CLSTN2: variants seen among roughly 807,000 people sequenced by gnomAD.
CLSTN2 encodes calsyntenin 2.
Under a neutral mutation model 101.2 loss-of-function variants are expected in CLSTN2, and 48 were observed. The observed-to-expected ratio is 0.47, with a 90% confidence interval of 0.38 to 0.60. The LOEUF is 0.60. Among genes scored for constraint, CLSTN2 ranks in the 20% least tolerant of loss-of-function variants. The probability of loss-of-function intolerance (pLI) is 0.00; values close to 1 mark genes in which losing one functional copy is unlikely to be tolerated. For missense variants in CLSTN2, 1,160 were observed against 1,238.2 expected (o/e 0.94, Z 0.95); for synonymous variants, 481 against 463.6 (o/e 1.04, Z -0.48).
At chr3:140,215,757 C>T (rs987693637) in intron 2 of CLSTN2, among the ~76,000 whole-genome samples, 1 of 152,172 alleles carries the variant, frequency 6.6e-6, no homozygotes, top group Non-Finnish European at 1.5e-5. Context: ...AGTAATAGTG[C>T]CACCTTTCAA....
In CLSTN2 at chr3:140,332,154, G is replaced by A. The variant is rs184160128; in HGVS notation, c.233-71475G>A. Among the ~76,000 whole-genome samples the A allele has an allele frequency of 2.6e-5, 4 of 152,308 alleles. No individual in the cohort carries two copies. The East Asian group carries it at 7.7e-4, about 29-fold the overall frequency. On this transcript the variant is annotated intron_variant, in intron 2 of 16. Transcript: ENST00000458420. ...CCAGTGTCAACCTTGTGGAGGCAGT[G>A]ACAGATGATTACCTGAGCTGTCTTA...
chr3:140,458,980 C>T (rs1014077685), intron 6 of CLSTN2, among the ~76,000 whole-genome samples: 6 of 152,232 alleles, frequency 3.9e-5, no homozygotes, highest in African/African-American at 7.2e-5. Context: ...ATGAGTGGCT[C>T]ATGCTCCTTC....
intron 2 of CLSTN2, among the ~76,000 whole-genome samples, chr3:140,365,642 T>C (rs1207595731): frequency 6.6e-6 from 1 of 151,942 alleles, no homozygotes; most frequent in Non-Finnish European, 1.5e-5. Context: ...AGATGGTAAA[T>C]GGTGGTGCCA....
At chr3:140,291,237 T>C (rs2107903468) in intron 2 of CLSTN2, among the ~76,000 whole-genome samples, 1 of 152,268 alleles carries the variant, frequency 6.6e-6, no homozygotes, top group South Asian at 2.1e-4. Context: ...TTAGTGCTTA[T>C]TACTCTCCAA....
At chr3:140,149,787 C>A (rs1331659914) in intron 1 of CLSTN2, among the ~76,000 whole-genome samples, 1 of 152,122 alleles carries the variant, frequency 6.6e-6, no homozygotes, top group Non-Finnish European at 1.5e-5. Context: ...AGAACCATGT[C>A]CAGACTATTG....
At chr3:139,983,609 G>A (rs1935969454) in intron 1 of CLSTN2, among the ~76,000 whole-genome samples, 1 of 152,014 alleles carries the variant, frequency 6.6e-6, no homozygotes, top group Non-Finnish European at 1.5e-5. Flanking sequence ...AAAATTGTAT[G>A]TAAAGTCCAT....
intron 8 of CLSTN2, among the ~76,000 whole-genome samples, chr3:140,478,071 A>G (rs1162404598): frequency 1.3e-5 from 2 of 152,178 alleles, no homozygotes; most frequent in Non-Finnish European, 2.9e-5. Flanking sequence ...GACTGTTACC[A>G]CAGCATTTTT....
At position 139,935,458 on chromosome 3, in the gene CLSTN2, G is replaced by A; in HGVS notation, c.84G>A (p.Arg28=). Residue 28 remains arginine (R), a synonymous_variant, in exon 1 of 17, where the codon CGG becomes CGA. Transcript: ENST00000458420. This position sits in a 1 kb window ranked among gnomAD's most constrained non-coding sequence, Gnocchi z 5.5. ...GSGSGGGGDS[R]QRRLLAAKVN... Reference sequence around the variant, plus strand: ...GCAGCGGCGGTGGCGGGGACAGCCGGCAGCGCCGCCTCCTCGCGGCTAAAG... The same window carrying A: ...GCAGCGGCGGTGGCGGGGACAGCCGACAGCGCCGCCTCCTCGCGGCTAAAG... 3 of 1,231,100 alleles carry A rather than the reference G, an allele frequency of 2.4e-6. No individual in the cohort carries two copies. Among genetic ancestry groups the A allele is most frequent in the Non-Finnish European group, 2.0e-6 (2 of 986,842 alleles). 76.3% of individuals were successfully genotyped at this position (1,231,100 alleles called of 1,614,324 possible). A position where few individuals can be genotyped will look rare whatever the true frequency, so the allele number is the denominator to read the frequency against.
In CLSTN2 at chr3:140,130,751, A is replaced by G. The variant is rs1576438354; in HGVS notation, c.110-45200A>G. ...GTCCTGGAGGCCTTCTCAGGGGAAG[A>G]AAGAGGTGGCTATGTTTTCCTGTGT... On this transcript the variant is annotated intron_variant, in intron 1 of 16. Transcript: ENST00000458420. Among the ~76,000 whole-genome samples the G allele has an allele frequency of 2.6e-5, 4 of 152,270 alleles. No homozygotes were observed. In the South Asian group the frequency reaches 8.3e-4, roughly 32 times the overall value.
intron 2 of CLSTN2, among the ~76,000 whole-genome samples, chr3:140,178,465 C>A (rs1035104335): frequency 6.6e-6 from 1 of 152,192 alleles, no homozygotes; most frequent in Non-Finnish European, 1.5e-5. Flanking sequence ...CCATAGTTTC[C>A]TTCTAAGCCA....
At chr3:140,003,480 GA>G (rs759139512) in intron 1 of CLSTN2, among the ~76,000 whole-genome samples, 2 of 152,148 alleles carry the variant, frequency 1.3e-5, no homozygotes, top group Admixed American at 6.5e-5. Context: ...AGCAAACAAA[GA>G]TAATTTCACT....
At chr3:140,464,015 C>A (rs1400976538) in intron 7 of CLSTN2, among the ~76,000 whole-genome samples, 1 of 152,170 alleles carries the variant, frequency 6.6e-6, no homozygotes, top group East Asian at 1.9e-4. Flanking sequence ...CTTACCATAT[C>A]AATTCCTATG....
chr3:140,528,068 A>G (rs1289961064), intron 8 of CLSTN2, among the ~76,000 whole-genome samples: 1 of 152,160 alleles, frequency 6.6e-6, no homozygotes, highest in Non-Finnish European at 1.5e-5. Context: ...CTAAAATAAA[A>G]GTTGAAATTA....
chr3:140,447,862 G>A (rs571271957), intron 5 of CLSTN2, among the ~76,000 whole-genome samples: 3 of 152,320 alleles, frequency 2.0e-5, no homozygotes, highest in African/African-American at 7.2e-5. Flanking sequence ...ACTACAATAA[G>A]TATGGCACCT....
chr3:140,216,732 G>A (rs999397131), intron 2 of CLSTN2, among the ~76,000 whole-genome samples: 9 of 152,162 alleles, frequency 5.9e-5, no homozygotes, highest in African/African-American at 2.2e-4. Context: ...GATGTAAAGT[G>A]CAAAAGCATT....
At chr3:140,176,961 C>G (rs2107829371) in intron 2 of CLSTN2, among the ~76,000 whole-genome samples, 1 of 152,304 alleles carries the variant, frequency 6.6e-6, no homozygotes, top group Middle Eastern at 3.4e-3. Flanking sequence ...ACATTATGAG[C>G]TGCTTGGGCA....
intron 5 of CLSTN2, among the ~76,000 whole-genome samples, chr3:140,439,388 C>T (rs1322426582): frequency 6.6e-6 from 1 of 152,188 alleles, no homozygotes; most frequent in East Asian, 1.9e-4. Context: ...AAGTCTCTGC[C>T]AACGTGCATG....
chr3:140,246,842 C>T (rs548877560), intron 2 of CLSTN2, among the ~76,000 whole-genome samples: 2 of 152,132 alleles, frequency 1.3e-5, no homozygotes, highest in South Asian at 4.2e-4. Context: ...TTATTTGCTC[C>T]TGAGAGGCAG....
At chr3:140,021,175 A>G (rs1444824474) in intron 1 of CLSTN2, among the ~76,000 whole-genome samples, 1 of 152,156 alleles carries the variant, frequency 6.6e-6, no homozygotes, top group African/African-American at 2.4e-5. Flanking sequence ...CATCATTGCT[A>G]GCTACATAGA....
Sources: allele counts gnomAD v4.1 joint callset (sites outside exome capture counted in the v4.1 genomes callset), GRCh38; gene constraint gnomAD v4.1.1; non-coding constraint Gnocchi (gnomAD v3.1); transcripts MANE v1.5; gene names NCBI Gene and HGNC (gene_info 2026-07-23, HGNC 2026-07-21).